SLC25A36: variants seen among roughly 807,000 people sequenced by gnomAD.
The protein encoded by SLC25A36 is epididymis secretory sperm binding protein.
In SLC25A36, 24 loss-of-function variants were observed where a neutral mutation model predicts 35.3. That is an observed-to-expected ratio of 0.68 (90% CI 0.49 to 0.96). The LOEUF (loss-of-function observed/expected upper bound fraction) is 0.96. Among genes scored for constraint, SLC25A36 ranks in the 40% least tolerant of loss-of-function variants. SLC25A36 has a pLI of 0.00. For synonymous variants in SLC25A36, 141 were observed against 132.2 expected (o/e 1.07, Z -0.46); for missense variants, 294 against 381.1 (o/e 0.77, Z 1.90).
chr3:140,956,714 T>C lies in SLC25A36; in HGVS notation c.206+23T>C, dbSNP rs781728206. The C allele has an allele frequency of 4.5e-6, 7 of 1,552,020 alleles. No individual in the cohort carries two copies. In the Admixed American group the frequency reaches 1.4e-4, roughly 31 times the overall value. ...AAAGTGAGAGCATAGTATTCAGGAG[T>C]GTTTTTTAGTTTGTTTGCGTTAGTG... On this transcript the variant is annotated intron_variant, in intron 2 of 6. Transcript: ENST00000324194.
chr3:140,945,179 G>T (rs1023411594), intron 1 of SLC25A36, among the ~76,000 whole-genome samples: 1 of 152,194 alleles, frequency 6.6e-6, no homozygotes. Flanking sequence ...TCCTCACGTA[G>T]TAGGAGAGGC....
At chr3:140,950,920 G>C (rs542333227) in intron 1 of SLC25A36, among the ~76,000 whole-genome samples, 1 of 143,412 alleles carries the variant, frequency 7.0e-6, no homozygotes, top group Non-Finnish European at 1.6e-5. Flanking sequence ...CTGTGTGTCT[G>C]TGTGTGTGTG....
intron 4 of SLC25A36, chr3:140,966,835 T>C: frequency 2.4e-6 from 1 of 422,150 alleles, no homozygotes; most frequent in African/African-American, 2.0e-5. Context: ...TCACAGTAAA[T>C]ATTTCTCAAA....
Position 140,945,272 on chromosome 3 carries a change from G to A in SLC25A36, c.41+3177G>A, listed in dbSNP as rs574500656. 3.9e-5 allele frequency among the ~76,000 whole-genome samples: 6 copies of A among 152,286 alleles called. No individual in the cohort carries two copies. The South Asian group carries it at 8.3e-4, about 21-fold the overall frequency. Reference sequence around the variant, plus strand: ...CTCATGACCTAATCACCTTGAAAGCGTCTACCTCCTAATACTATCACCTTG... The same window carrying A: ...CTCATGACCTAATCACCTTGAAAGCATCTACCTCCTAATACTATCACCTTG... On this transcript the variant is annotated intron_variant, in intron 1 of 6. Transcript: ENST00000324194.
chr3:140,948,821 G>A (rs1934238370), intron 1 of SLC25A36, among the ~76,000 whole-genome samples: 1 of 152,210 alleles, frequency 6.6e-6, no homozygotes, highest in Non-Finnish European at 1.5e-5. Context: ...TAGTGGTTCA[G>A]CAGCTTAGGA....
chr3:140,942,091 G>A lies in SLC25A36; in HGVS notation c.37G>A (p.Gly13Arg). ...GGACACGCTGGTGCATCTGTTTGCC[G>A]GAGGGTAAGGTCCTGGCGGGGCGTG... ...QRDTLVHLFA[G>R]GCGGTVGAIL... The change falls in exon 1 of 7, where the codon GGA becomes AGA. Residue 13 changes from glycine to arginine, a missense_variant. Physicochemically the swap from Gly to Arg is moderately radical, Grantham distance 125. Coordinates refer to ENST00000324194, the MANE Select transcript of SLC25A36 (RefSeq NM_001104647.3). 2 of 1,472,174 alleles carry A rather than the reference G, an allele frequency of 1.4e-6. No individual in the cohort carries two copies. Among genetic ancestry groups the A allele is most frequent in the Non-Finnish European group, 1.8e-6 (2 of 1,094,144 alleles). The allele number at this position is 1,472,174 out of a possible 1,614,324, so 91.2% of individuals were successfully genotyped here.
intron 1 of SLC25A36, among the ~76,000 whole-genome samples, chr3:140,954,857 GT>G (rs1201532985): frequency 6.6e-6 from 1 of 151,948 alleles, no homozygotes; most frequent in Non-Finnish European, 1.5e-5. Flanking sequence ...CAGTTTTTCA[GT>G]TTTTTTCTTT....
intron 1 of SLC25A36, among the ~76,000 whole-genome samples, chr3:140,952,830 A>G (rs533332838): frequency 9.8e-4 from 149 of 152,330 alleles, no homozygotes; most frequent in Non-Finnish European, 1.6e-3. Context: ...TATAGAAGTA[A>G]TTCATGTTCA....
intron 3 of SLC25A36, among the ~76,000 whole-genome samples, chr3:140,960,074 A>G (rs1934588814): frequency 1.3e-5 from 2 of 152,170 alleles, no homozygotes; most frequent in Admixed American, 1.3e-4. Context: ...ACTAGGAGAT[A>G]TAAAATTACT....
chr3:140,942,174 C>G (rs1210021756), intron 1 of SLC25A36, 79 bp downstream of exon 1: 1 of 60,146 alleles, frequency 1.7e-5, no homozygotes, highest in Non-Finnish European at 3.0e-5. Flanking sequence ...CGAGGGGGGC[C>G]GAGGGGGGTG....
At chr3:140,956,837 G>A (rs756328751) in intron 2 of SLC25A36, 146 bp downstream of exon 2, 197 of 1,267,708 alleles carry the variant, frequency 1.6e-4, no homozygotes, top group Non-Finnish European at 1.9e-4. Context: ...CATAAGGAAT[G>A]ATAATCCCTA....
chr3:140,955,824 C>T (rs1934465299), intron 1 of SLC25A36, among the ~76,000 whole-genome samples: 3 of 152,124 alleles, frequency 2.0e-5, no homozygotes, highest in African/African-American at 7.2e-5. Flanking sequence ...CCCGAGTAGC[C>T]AGGACTACAT....
chr3:140,958,511 T>C (rs1287034680), intron 2 of SLC25A36, among the ~76,000 whole-genome samples: 1 of 152,206 alleles, frequency 6.6e-6, no homozygotes, highest in African/African-American at 2.4e-5. Flanking sequence ...TCTACTTACT[T>C]TTTCTAGTTA....
rs770700270 is a variant in SLC25A36 at position 140,973,722 on chromosome 3, C to T, written c.459C>T (p.Arg153=). The change falls in exon 6 of 7, where the codon CGC becomes CGT. Residue 153 remains arginine, a synonymous_variant. Transcript: ENST00000324194. The part of the protein sequence containing the change: ...KTRLQLDARN[R]GERRMGAFEC... ...GTTTCTTTTTGCTTTTCAGGAACCG[C>T]GGGGAAAGGCGAATGGGTGCTTTTG... is the stretch of plus-strand genomic sequence containing the variant. 8.2e-6 allele frequency: 12 copies of T among 1,466,222 alleles called. No homozygotes were observed. The highest frequency in any genetic ancestry group is 7.1e-5 in the East Asian group (3 of 42,266). The allele number at this position is 1,466,222 out of a possible 1,614,324, so 90.8% of individuals were successfully genotyped here.
At chr3:140,954,436 TTA>T (rs1934422737) in intron 1 of SLC25A36, among the ~76,000 whole-genome samples, 1 of 152,180 alleles carries the variant, frequency 6.6e-6, no homozygotes, top group Non-Finnish European at 1.5e-5. Context: ...TGTGGCAGTG[TTA>T]TGTTTAACTC....
At chr3:140,968,452 C>G in intron 4 of SLC25A36, 3 of 983,576 alleles carry the variant, frequency 3.1e-6, no homozygotes, top group Non-Finnish European at 3.6e-6. Flanking sequence ...ATAACATTCT[C>G]TCACTTACCT....
chr3:140,952,019 C>CTT (rs200986661), intron 1 of SLC25A36, among the ~76,000 whole-genome samples: 1,435 of 137,438 alleles, frequency 0.01, 31 homozygotes, highest in African/African-American at 0.031. Flanking sequence ...TTCTTTCTCT[C>CTT]TTTTTTTTTT....
chr3:140,942,542 T>G, intron 1 of SLC25A36: 1 of 154,852 alleles, frequency 6.5e-6, no homozygotes, highest in Non-Finnish European at 1.4e-5. Context: ...TTGAGGAGCC[T>G]GGCTTCGGAT....
In SLC25A36 at chr3:140,959,523, G is replaced by A. The variant is rs1304029878; in HGVS notation, c.267G>A (p.Val89=). 4 of 1,490,486 alleles carry A rather than the reference G, an allele frequency of 2.7e-6. No individual in the cohort carries two copies. In the African/African-American group the frequency reaches 4.4e-5, roughly 17 times the overall value. 92.3% of individuals were successfully genotyped at this position (1,490,486 alleles called of 1,614,324 possible). ...TTAGAGGACTAGGCCCCAATTTAGT[G>A]GGGGTAGCCCCTTCCAGGTAAAAAA... ...SLFRGLGPNL[V]GVAPSRAIYF... The change falls in exon 3 of 7, where the codon GTG becomes GTA. Residue 89 remains valine, a synonymous_variant. Coordinates refer to ENST00000324194, the MANE Select transcript of SLC25A36 (RefSeq NM_001104647.3).
Sources: allele counts gnomAD v4.1 joint callset (sites outside exome capture counted in the v4.1 genomes callset), GRCh38; gene constraint gnomAD v4.1.1; transcripts MANE v1.5; gene names NCBI Gene and HGNC (gene_info 2026-07-23, HGNC 2026-07-21).